GNA15: variants seen among roughly 807,000 people sequenced by gnomAD.
GNA15 encodes G protein subunit alpha 15.
A neutral mutation model predicts 40.1 loss-of-function variants in GNA15; 23 were observed. That is an observed-to-expected ratio of 0.57 (90% CI 0.41 to 0.81). The LOEUF (loss-of-function observed/expected upper bound fraction) is 0.81, where lower values mean the gene tolerates loss of function less well. Among genes scored for constraint, GNA15 ranks in the 40% least tolerant of loss-of-function variants. The pLI, the probability that GNA15 is intolerant of heterozygous loss-of-function variation, is 0.00. For synonymous variants in GNA15, 226 were observed against 210.4 expected (o/e 1.07, Z -0.64); for missense variants, 522 against 515.8 (o/e 1.01, Z -0.12).
At chr19:3,157,027 C>T (rs886669753) in intron 5 of GNA15, among the ~76,000 whole-genome samples, 3 of 151,414 alleles carry the variant, frequency 2.0e-5, no homozygotes, top group African/African-American at 4.9e-5. Flanking sequence ...GATGGAGTCT[C>T]GCTTTTGTCG....
At chr19:3,139,166 G>C (rs535494502) in intron 1 of GNA15, among the ~76,000 whole-genome samples, 4 of 151,178 alleles carry the variant, frequency 2.6e-5, no homozygotes, top group African/African-American at 4.9e-5. Flanking sequence ...GGCTGGTCTC[G>C]AACCCCTGAC....
At position 3,159,969 on chromosome 19, in the gene GNA15, G is replaced by T. The variant is rs555541233; in HGVS notation, c.898+2088G>T. Among the ~76,000 whole-genome samples the T allele has an allele frequency of 8.5e-5, 13 of 152,308 alleles. No homozygotes were observed. In the East Asian group the frequency reaches 2.5e-3, roughly 29 times the overall value. On this transcript the variant is annotated intron_variant, in intron 6 of 6. Coordinates refer to ENST00000262958, the MANE Select transcript of GNA15 (RefSeq NM_002068.4). ...ACGTGGGGAAGGTACATATTCACTAGCACTTTCCCCAGAACACCACTGTGA... is the reference window on the plus strand; with the variant it reads ...ACGTGGGGAAGGTACATATTCACTATCACTTTCCCCAGAACACCACTGTGA...
chr19:3,158,312 G>C (rs867380229), intron 6 of GNA15, among the ~76,000 whole-genome samples: 1 of 151,948 alleles, frequency 6.6e-6, no homozygotes, highest in African/African-American at 2.4e-5. Context: ...ACCACGCCCA[G>C]CTAATTTTTG....
intron 1 of GNA15, among the ~76,000 whole-genome samples, chr19:3,139,339 C>T (rs906865314): frequency 2.0e-5 from 3 of 152,034 alleles, no homozygotes; most frequent in African/African-American, 4.8e-5. Context: ...GTAATCTTAG[C>T]ACTTTGGGAG....
chr19:3,150,325 G>A (rs750132817), intron 3 of GNA15, 40 bp downstream of exon 3: 3 of 1,497,470 alleles, frequency 2.0e-6, no homozygotes, highest in Non-Finnish European at 2.7e-6. Context: ...CGTGGGGAGG[G>A]GCTGAGGGCA....
intron 1 of GNA15, 101 bp from the exon 2 acceptor site, chr19:3,148,490 A>C: frequency 1.7e-6 from 2 of 1,179,336 alleles, no homozygotes; most frequent in Non-Finnish European, 2.3e-6. Flanking sequence ...GTTTGAACCC[A>C]GGAGGCCTGG....
At chr19:3,148,020 T>C (rs1914775824) in intron 1 of GNA15, among the ~76,000 whole-genome samples, 1 of 152,124 alleles carries the variant, frequency 6.6e-6, no homozygotes, top group African/African-American at 2.4e-5. Context: ...TTATAATCAA[T>C]TCATTTGGCC....
chr19:3,161,390 T>TTAG (rs1915136335), intron 6 of GNA15, among the ~76,000 whole-genome samples: 1 of 152,214 alleles, frequency 6.6e-6, no homozygotes, highest in Admixed American at 6.5e-5. Flanking sequence ...AGATGAGTCC[T>TTAG]TAGTACATGC....
Position 3,155,993 on chromosome 19 carries a change from A to T in GNA15, c.744+41A>T. On this transcript the variant is annotated intron_variant, in intron 5 of 6. Transcript: ENST00000262958. This position sits in a 1 kb window ranked among gnomAD's most constrained non-coding sequence, Gnocchi z 5.6. Reference sequence around the variant, plus strand: ...CCTCGCCCTGCCCACTTGTTGGCCCAGGGACCCTCACCTGAGCAGGAAGCT... The same window carrying T: ...CCTCGCCCTGCCCACTTGTTGGCCCTGGGACCCTCACCTGAGCAGGAAGCT... 1 of 1,598,574 alleles carries T rather than the reference A, an allele frequency of 6.3e-7. No homozygotes were observed. Among genetic ancestry groups the T allele is most frequent in the Non-Finnish European group, 8.6e-7 (1 of 1,167,916 alleles).
intron 6 of GNA15, among the ~76,000 whole-genome samples, chr19:3,160,666 C>G (rs1018165380): frequency 6.6e-6 from 1 of 152,188 alleles, no homozygotes; most frequent in Admixed American, 6.6e-5. Flanking sequence ...GTACCACAAA[C>G]TGGGTGGCTT....
intron 6 of GNA15, 126 bp downstream of exon 6, chr19:3,158,007 TAG>T: frequency 1.4e-6 from 1 of 727,266 alleles, no homozygotes; most frequent in East Asian, 2.5e-5. Context: ...ACCCGCGTTC[TAG>T]ACTCAGCTCC....
intron 4 of GNA15, among the ~76,000 whole-genome samples, chr19:3,152,732 G>A (rs949352555): frequency 4.6e-5 from 7 of 152,182 alleles, no homozygotes; most frequent in Admixed American, 6.5e-5. Flanking sequence ...GAGCAGGGGT[G>A]CAAAGTCATG....
chr19:3,149,849 G>A (rs1045563608), intron 2 of GNA15: 1 of 355,868 alleles, frequency 2.8e-6, no homozygotes, highest in African/African-American at 2.1e-5. Flanking sequence ...TGTAAAGAGC[G>A]GGGCTGGGTG....
At chr19:3,159,718 C>T (rs918816944) in intron 6 of GNA15, among the ~76,000 whole-genome samples, 4 of 152,144 alleles carry the variant, frequency 2.6e-5, no homozygotes, top group African/African-American at 9.7e-5. Flanking sequence ...ATACAATGAC[C>T]TTCTTTCATG....
chr19:3,139,960 G>A (rs1914537816), intron 1 of GNA15, among the ~76,000 whole-genome samples: 1 of 151,610 alleles, frequency 6.6e-6, no homozygotes, highest in African/African-American at 2.4e-5. Flanking sequence ...CTCTAACTTG[G>A]AGGCAGAGGT....
intron 5 of GNA15, among the ~76,000 whole-genome samples, chr19:3,157,398 A>C (rs1014447871): frequency 2.0e-5 from 3 of 152,174 alleles, no homozygotes; most frequent in African/African-American, 7.2e-5. Flanking sequence ...CCCTATCTCC[A>C]GGCCAGGTGC....
intron 1 of GNA15, among the ~76,000 whole-genome samples, chr19:3,143,917 G>A (rs930394591): frequency 2.8e-4 from 42 of 151,632 alleles, no homozygotes; most frequent in African/African-American, 1.0e-3. Flanking sequence ...TCAGGAGATC[G>A]AGACCATCCT....
At chr19:3,154,505 T>G (rs888452914) in intron 4 of GNA15, among the ~76,000 whole-genome samples, 1 of 150,724 alleles carries the variant, frequency 6.6e-6, no homozygotes, top group Non-Finnish European at 1.5e-5. Flanking sequence ...GATGGATGGA[T>G]GAGTAAATGG....
chr19:3,156,458 GCACACA>G (rs1030782922), intron 5 of GNA15, among the ~76,000 whole-genome samples: 2 of 146,182 alleles, frequency 1.4e-5, no homozygotes, highest in Non-Finnish European at 3.0e-5. Context: ...ACATGCACAC[GCACACA>G]CAGGCACACA....
Sources: allele counts gnomAD v4.1 joint callset (sites outside exome capture counted in the v4.1 genomes callset), GRCh38; gene constraint gnomAD v4.1.1; non-coding constraint Gnocchi (gnomAD v3.1); transcripts MANE v1.5; gene names NCBI Gene and HGNC (gene_info 2026-07-23, HGNC 2026-07-21).